SEMA5A: variants seen among roughly 807,000 people sequenced by gnomAD.
SEMA5A encodes the protein semaphorin-5A.
A neutral mutation model predicts 135.5 loss-of-function variants in SEMA5A; 55 were observed. The ratio of observed to expected loss-of-function variants is 0.41; its 90% CI spans 0.33 to 0.51. The LOEUF is 0.51. Among genes scored for constraint, SEMA5A ranks in the 20% least tolerant of loss-of-function variants. The pLI is 0.37. For missense variants in SEMA5A, 1,290 were observed against 1,419.9 expected, an observed-to-expected ratio of 0.91 and a Z score of 1.47; for synonymous variants, 580 against 546.5, an observed-to-expected ratio of 1.06 and a Z score of -0.85.
chr5:9,179,442 A>G (rs1272058502), intron 11 of SEMA5A, among the ~76,000 whole-genome samples: 1 of 152,180 alleles, frequency 6.6e-6, no homozygotes, highest in Non-Finnish European at 1.5e-5. Context: ...CAGGAAATTT[A>G]TCTGCTCCAT....
At chr5:9,317,804 C>A (rs1209705614) in intron 5 of SEMA5A, among the ~76,000 whole-genome samples, 1 of 152,084 alleles carries the variant, frequency 6.6e-6, no homozygotes, top group Admixed American at 6.6e-5. Context: ...GAAAAGTGGG[C>A]TTTTGTGACT....
chr5:9,508,087 C>T (rs959716927), intron 1 of SEMA5A, among the ~76,000 whole-genome samples: 6 of 152,082 alleles, frequency 3.9e-5, no homozygotes, highest in Non-Finnish European at 2.9e-5. Flanking sequence ...ATCATAGAAT[C>T]CTAGCAACTA....
chr5:9,200,493 A>G (rs1745646045), intron 9 of SEMA5A, among the ~76,000 whole-genome samples: 1 of 152,226 alleles, frequency 6.6e-6, no homozygotes, highest in Non-Finnish European at 1.5e-5. Flanking sequence ...TAGTTTTTAA[A>G]CAAGGTTTTG....
chr5:9,294,293 C>T (rs1418513174), intron 5 of SEMA5A, among the ~76,000 whole-genome samples: 1 of 152,168 alleles, frequency 6.6e-6, no homozygotes, highest in Non-Finnish European at 1.5e-5. Flanking sequence ...AGCCCCAGCA[C>T]CCCCAACCTG....
intron 7 of SEMA5A, 83 bp from the exon 8 acceptor site, chr5:9,224,970 C>T: frequency 3.0e-6 from 4 of 1,318,602 alleles, no homozygotes; most frequent in Non-Finnish European, 4.2e-6. Flanking sequence ...ACCATCATCA[C>T]AGTGACGCTT....
chr5:9,390,374 A>G (rs1181750664), intron 2 of SEMA5A, among the ~76,000 whole-genome samples: 1 of 152,222 alleles, frequency 6.6e-6, no homozygotes, highest in Admixed American at 6.5e-5. Flanking sequence ...ATTCACTGGA[A>G]CCACTTGAAA....
intron 3 of SEMA5A, among the ~76,000 whole-genome samples, chr5:9,372,831 T>C (rs1393188401): frequency 6.6e-6 from 1 of 152,228 alleles, no homozygotes; most frequent in African/African-American, 2.4e-5. Context: ...CAGAAACATC[T>C]CCTTCACTCA....
At chr5:9,140,807 A>T (rs1198723162) in intron 12 of SEMA5A, among the ~76,000 whole-genome samples, 1 of 152,176 alleles carries the variant, frequency 6.6e-6, no homozygotes, top group South Asian at 2.1e-4. Context: ...CGTGTTTCTT[A>T]TTAAAGCAAC....
chr5:9,209,185 A>G (rs1561023947), intron 8 of SEMA5A, among the ~76,000 whole-genome samples: 1 of 152,320 alleles, frequency 6.6e-6, no homozygotes, highest in East Asian at 1.9e-4. Context: ...TTAGGTCAAT[A>G]GGAGTTTTAT....
intron 12 of SEMA5A, among the ~76,000 whole-genome samples, chr5:9,140,537 A>G (rs1742009593): frequency 2.0e-5 from 3 of 152,330 alleles, no homozygotes; most frequent in Admixed American, 1.3e-4. Context: ...GAGCGCTAAG[A>G]GTCCTTCTGC....
intron 16 of SEMA5A, among the ~76,000 whole-genome samples, chr5:9,084,196 A>C (rs970443497): frequency 8.5e-5 from 13 of 152,240 alleles, no homozygotes; most frequent in Non-Finnish European, 1.9e-4. Context: ...CTGGTTTTGT[A>C]AATACTCAAG....
chr5:9,141,816 A>C (rs1742081303), intron 12 of SEMA5A, among the ~76,000 whole-genome samples: 1 of 152,224 alleles, frequency 6.6e-6, no homozygotes, highest in South Asian at 2.1e-4. Context: ...TTTATTAATA[A>C]GTACAATTCC....
chr5:9,405,764 A>T (rs1290243887), intron 2 of SEMA5A, among the ~76,000 whole-genome samples: 2 of 152,198 alleles, frequency 1.3e-5, no homozygotes, highest in African/African-American at 4.8e-5. Context: ...GGGACTTCGA[A>T]TATGCTGGAT....
chr5:9,157,233 T>C (rs2619926), intron 11 of SEMA5A, among the ~76,000 whole-genome samples: 83,801 of 152,030 alleles, frequency 0.55, 25,842 homozygotes, highest in Middle Eastern at 0.77. Context: ...CCTGCCCTTG[T>C]TCTGAACTCC....
intron 11 of SEMA5A, among the ~76,000 whole-genome samples, chr5:9,176,188 G>A (rs1307982345): frequency 2.6e-5 from 4 of 152,154 alleles, no homozygotes; most frequent in African/African-American, 9.7e-5. Context: ...GGAAGACTGG[G>A]CCTCTCTGAG....
chr5:9,091,623 A>T (rs899414376), intron 16 of SEMA5A, among the ~76,000 whole-genome samples: 3 of 152,208 alleles, frequency 2.0e-5, no homozygotes, highest in Admixed American at 6.5e-5. Context: ...TAAAAGACCC[A>T]TTTGTTTTCA....
intron 1 of SEMA5A, among the ~76,000 whole-genome samples, chr5:9,521,153 T>C (rs548242616): frequency 1.3e-5 from 2 of 152,328 alleles, no homozygotes; most frequent in Non-Finnish European, 2.9e-5. Context: ...CTCACACCTG[T>C]AATCCCAGCA....
intron 21 of SEMA5A, among the ~76,000 whole-genome samples, chr5:9,046,205 G>C (rs1203696867): frequency 2.0e-5 from 3 of 152,152 alleles, no homozygotes; most frequent in Non-Finnish European, 4.4e-5. Context: ...ACACCACCAG[G>C]GTGAGGGGCA....
intron 18 of SEMA5A, among the ~76,000 whole-genome samples, chr5:9,055,346 A>G (rs1736833056): frequency 6.6e-6 from 1 of 152,234 alleles, no homozygotes; most frequent in Non-Finnish European, 1.5e-5. Context: ...CACAAATTGT[A>G]ACCACAGCTA....
Sources: allele counts gnomAD v4.1 joint callset (sites outside exome capture counted in the v4.1 genomes callset), GRCh38; gene constraint gnomAD v4.1.1; transcripts MANE v1.5; gene names NCBI Gene and HGNC (gene_info 2026-07-23, HGNC 2026-07-21).